The following ARSB variants were observed in gnomAD, a reference collection of about 807,000 sequenced individuals.
ARSB encodes N-acetylgalactosamine-4-sulfatase.
Under a neutral mutation model 50.9 loss-of-function variants are expected in ARSB, and 41 were observed. The ratio of observed to expected loss-of-function variants is 0.81; its 90% CI spans 0.63 to 1.04. The LOEUF (loss-of-function observed/expected upper bound fraction) is 1.04. ARSB is among the 50% of genes least tolerant of loss of function. The pLI is 0.00. For synonymous variants in ARSB, 269 were observed against 284.8 expected (o/e 0.94, Z 0.56); for missense variants, 672 against 693.3 (o/e 0.97, Z 0.35).
At chr5:78,950,420 G>A (rs1314463779) in intron 4 of ARSB, among the ~76,000 whole-genome samples, 2 of 152,132 alleles carry the variant, frequency 1.3e-5, no homozygotes, top group African/African-American at 4.8e-5. Flanking sequence ...CCTGAGAAGG[G>A]ATGGCACTAA....
intron 6 of ARSB, among the ~76,000 whole-genome samples, chr5:78,807,406 C>G (rs751897763): frequency 6.6e-6 from 1 of 152,192 alleles, no homozygotes; most frequent in Non-Finnish European, 1.5e-5. Flanking sequence ...GGTACAGGCA[C>G]AGTGAAAATG....
chr5:78,941,739 TTC>T (rs1750940467), intron 4 of ARSB, among the ~76,000 whole-genome samples: 1 of 152,160 alleles, frequency 6.6e-6, no homozygotes, highest in Admixed American at 6.5e-5. Context: ...TGGTCTAAAA[TTC>T]TCTTTTTTGG....
chr5:78,788,391 C>A (rs993146441), intron 6 of ARSB, among the ~76,000 whole-genome samples: 13 of 152,038 alleles, frequency 8.6e-5, no homozygotes, highest in Non-Finnish European at 1.5e-4. Context: ...AATGAGGTGG[C>A]CTGGTGGTGG....
intron 6 of ARSB, among the ~76,000 whole-genome samples, chr5:78,817,795 T>G (rs1744056364): frequency 6.8e-6 from 1 of 147,044 alleles, no homozygotes; most frequent in Non-Finnish European, 1.5e-5. Context: ...GGCAACAGAG[T>G]GACAGCGAGA....
At chr5:78,929,087 A>T (rs962985378) in intron 4 of ARSB, among the ~76,000 whole-genome samples, 1 of 152,074 alleles carries the variant, frequency 6.6e-6, no homozygotes, top group East Asian at 1.9e-4. Flanking sequence ...AAGCTCCTCA[A>T]TGACCCCTCT....
chr5:78,905,377 ACTGT>A (rs968988467), intron 4 of ARSB, among the ~76,000 whole-genome samples: 3 of 121,004 alleles, frequency 2.5e-5, no homozygotes, highest in Admixed American at 2.0e-4. Flanking sequence ...GTAATTTTGG[ACTGT>A]CTATTAGACA....
At chr5:78,839,242 A>C (rs1745082415) in intron 6 of ARSB, 114 bp downstream of exon 6, 8 of 1,011,344 alleles carry the variant, frequency 7.9e-6, no homozygotes, top group Non-Finnish European at 1.2e-5. Flanking sequence ...AGAACTGTTT[A>C]CCTTTATAGC....
At chr5:78,800,136 G>A (rs943572447) in intron 6 of ARSB, among the ~76,000 whole-genome samples, 2 of 151,982 alleles carry the variant, frequency 1.3e-5, no homozygotes, top group Non-Finnish European at 2.9e-5. Context: ...TGGCCAACAT[G>A]GTAAAACCCC....
At chr5:78,841,696 C>T (rs930721941) in intron 5 of ARSB, among the ~76,000 whole-genome samples, 28 of 152,114 alleles carry the variant, frequency 1.8e-4, no homozygotes, top group Admixed American at 1.8e-3. Flanking sequence ...ACATACTCTT[C>T]ATTCATGTCA....
Position 78,888,435 on chromosome 5 carries a change from C to G in ARSB, c.899-2608G>C, listed in dbSNP as rs552186109. On this transcript the variant is annotated intron_variant, in intron 4 of 7. Coordinates refer to ENST00000264914, the MANE Select transcript of ARSB (RefSeq NM_000046.5). ...TACACTGGAAAGAAATACCTACACT[C>G]TTCCCGTGATATCAAGAAAGGCTGA... is the stretch of plus-strand genomic sequence containing the variant. Among the ~76,000 whole-genome samples, 5 of 152,340 alleles carry G rather than the reference C, an allele frequency of 3.3e-5. No homozygotes were observed. In the South Asian group the frequency reaches 1.0e-3, roughly 32 times the overall value.
At chr5:78,875,398 C>G (rs1483828215) in intron 5 of ARSB, among the ~76,000 whole-genome samples, 1 of 151,846 alleles carries the variant, frequency 6.6e-6, no homozygotes, top group Admixed American at 6.6e-5. Flanking sequence ...TAAATACATT[C>G]AACATATTAC....
intron 5 of ARSB, among the ~76,000 whole-genome samples, chr5:78,866,689 G>A (rs1291237247): frequency 2.0e-5 from 3 of 152,194 alleles, no homozygotes; most frequent in Non-Finnish European, 4.4e-5. Flanking sequence ...AGCAGCTGAA[G>A]AACAAGTGTC....
At chr5:78,857,568 T>C (rs139570396) in intron 5 of ARSB, among the ~76,000 whole-genome samples, 152 of 152,276 alleles carry the variant, frequency 1.0e-3, no homozygotes, top group Non-Finnish European at 1.8e-3. Flanking sequence ...GTAATGGGTG[T>C]TTTTATTACA....
At chr5:78,977,421 TG>T (rs1345551383) in intron 1 of ARSB, among the ~76,000 whole-genome samples, 1 of 152,192 alleles carries the variant, frequency 6.6e-6, no homozygotes, top group Non-Finnish European at 1.5e-5. Context: ...CCCAAAGTGC[TG>T]GGATTACAGA....
chr5:78,849,637 T>C (rs964501737), intron 5 of ARSB, among the ~76,000 whole-genome samples: 162 of 151,538 alleles, frequency 1.1e-3, no homozygotes, highest in African/African-American at 3.5e-3. Flanking sequence ...ATTGAATCTA[T>C]AAATTACCTT....
intron 6 of ARSB, among the ~76,000 whole-genome samples, chr5:78,804,925 T>C (rs1335222680): frequency 6.6e-6 from 1 of 152,242 alleles, no homozygotes; most frequent in African/African-American, 2.4e-5. Context: ...CCTTTCATAT[T>C]ACACATAGCA....
At chr5:78,844,762 CAT>C (rs1204800886) in intron 5 of ARSB, among the ~76,000 whole-genome samples, 1 of 151,920 alleles carries the variant, frequency 6.6e-6, no homozygotes, top group African/African-American at 2.4e-5. Flanking sequence ...GTTTAATTGA[CAT>C]ATAAATATAC....
At chr5:78,831,966 T>C (rs1276245559) in intron 6 of ARSB, among the ~76,000 whole-genome samples, 1 of 152,198 alleles carries the variant, frequency 6.6e-6, no homozygotes, top group Non-Finnish European at 1.5e-5. Context: ...AATCAGCTGA[T>C]GATAAATTAT....
chr5:78,920,833 T>C (rs1488004074), intron 4 of ARSB, among the ~76,000 whole-genome samples: 1 of 152,164 alleles, frequency 6.6e-6, no homozygotes, highest in African/African-American at 2.4e-5. Context: ...CTCTGCAGCC[T>C]TGTTGCTTGT....
Sources: allele counts gnomAD v4.1 joint callset (sites outside exome capture counted in the v4.1 genomes callset), GRCh38; gene constraint gnomAD v4.1.1; transcripts MANE v1.5; gene names NCBI Gene and HGNC (gene_info 2026-07-23, HGNC 2026-07-21).